Variants in DLG2 observed in about 807,000 individuals in gnomAD.
The protein encoded by DLG2 is disks large homolog 2.
A neutral mutation model predicts 132.5 loss-of-function variants in DLG2; 45 were observed. That is an observed-to-expected ratio of 0.34 (90% CI 0.27 to 0.44). The LOEUF (loss-of-function observed/expected upper bound fraction) is 0.44, where lower values mean the gene tolerates loss of function less well. Ranked by LOEUF, DLG2 falls within the 20% of genes least tolerant of loss-of-function variation. The pLI is 1.00. For synonymous variants in DLG2, 424 were observed against 419.6 expected, an observed-to-expected ratio of 1.01 and a Z score of -0.13; for missense variants, 1,045 against 1,196.9, an observed-to-expected ratio of 0.87 and a Z score of 1.87.
At chr11:84,990,076 G>A (rs1366109953) in intron 6 of DLG2, among the ~76,000 whole-genome samples, 1 of 152,162 alleles carries the variant, frequency 6.6e-6, no homozygotes, top group Non-Finnish European at 1.5e-5. Context: ...GAAAGCTACA[G>A]GACAAGAGTA....
At chr11:85,400,815 G>A (rs1156847867) in intron 3 of DLG2, among the ~76,000 whole-genome samples, 1 of 151,616 alleles carries the variant, frequency 6.6e-6, no homozygotes, top group Admixed American at 6.6e-5. Context: ...ATAGCATTAG[G>A]AGATATACCT....
chr11:83,881,040 A>AT (rs368315991), intron 15 of DLG2, among the ~76,000 whole-genome samples: 15,652 of 77,964 alleles, frequency 0.2, 972 homozygotes, highest in South Asian at 0.41. Flanking sequence ...GGTTTTTTCC[A>AT]TTTTTTTAAA....
At chr11:84,783,185 C>T (rs1168453438) in intron 6 of DLG2, among the ~76,000 whole-genome samples, 1 of 152,138 alleles carries the variant, frequency 6.6e-6, no homozygotes, top group Non-Finnish European at 1.5e-5. Context: ...TAAGAGGAAG[C>T]TTTCATAGGA....
At chr11:84,597,286 C>T (rs928967647) in intron 6 of DLG2, among the ~76,000 whole-genome samples, 7 of 151,944 alleles carry the variant, frequency 4.6e-5, no homozygotes, top group Non-Finnish European at 5.9e-5. Flanking sequence ...AGTCTAACTG[C>T]GAAGACAGCA....
intron 18 of DLG2, among the ~76,000 whole-genome samples, chr11:83,670,419 G>T (rs1226865805): frequency 1.3e-5 from 2 of 151,844 alleles, no homozygotes; most frequent in African/African-American, 4.8e-5. Flanking sequence ...TATATATGGA[G>T]TCTCAATACT....
At chr11:84,459,910 A>G (rs1358924132) in intron 7 of DLG2, among the ~76,000 whole-genome samples, 1 of 150,630 alleles carries the variant, frequency 6.6e-6, no homozygotes, top group Non-Finnish European at 1.5e-5. Context: ...ATGTTAAAGC[A>G]TAATAGGTAT....
chr11:83,756,424 C>T (rs1472248084), intron 18 of DLG2, among the ~76,000 whole-genome samples: 1 of 151,348 alleles, frequency 6.6e-6, no homozygotes, highest in African/African-American at 2.5e-5. Flanking sequence ...ATTTTCATAG[C>T]TTTTATGCTA....
chr11:84,566,150 A>T (rs1216509114), intron 6 of DLG2, among the ~76,000 whole-genome samples: 2 of 151,842 alleles, frequency 1.3e-5, no homozygotes, highest in South Asian at 4.2e-4. Flanking sequence ...TTTACTAGAG[A>T]TGGGGTTTCA....
intron 2 of DLG2, among the ~76,000 whole-genome samples, chr11:85,613,706 T>C (rs1194696306): frequency 1.3e-5 from 2 of 152,104 alleles, no homozygotes; most frequent in Non-Finnish European, 2.9e-5. Context: ...AATGGACCAA[T>C]CAGTAGGATG....
intron 6 of DLG2, among the ~76,000 whole-genome samples, chr11:84,560,816 T>C (rs1041400173): frequency 6.6e-6 from 1 of 152,160 alleles, no homozygotes; most frequent in East Asian, 1.9e-4. Flanking sequence ...CCCTTTGCCA[T>C]GAAGGAAAAC....
At chr11:85,237,042 G>A (rs2075623634) in intron 4 of DLG2, among the ~76,000 whole-genome samples, 1 of 152,034 alleles carries the variant, frequency 6.6e-6, no homozygotes, top group African/African-American at 2.4e-5. Flanking sequence ...AGCTTCATGA[G>A]ACCATAACAA....
chr11:85,046,906 A>G (rs1244264300), intron 6 of DLG2, among the ~76,000 whole-genome samples: 1 of 151,764 alleles, frequency 6.6e-6, no homozygotes, highest in African/African-American at 2.4e-5. Context: ...GGCATATTAG[A>G]TGCACTGAGA....
intron 6 of DLG2, among the ~76,000 whole-genome samples, chr11:85,097,758 CTT>C (rs1381800202): frequency 6.6e-6 from 1 of 152,178 alleles, no homozygotes; most frequent in East Asian, 1.9e-4. Context: ...ACTGAAGACA[CTT>C]TTAGTTTATT....
intron 9 of DLG2, among the ~76,000 whole-genome samples, chr11:84,147,600 A>G (rs1364711993): frequency 2.0e-5 from 3 of 152,178 alleles, no homozygotes; most frequent in Admixed American, 2.0e-4. Flanking sequence ...GCAGAGTGCT[A>G]TGTTATTCTA....
intron 18 of DLG2, among the ~76,000 whole-genome samples, chr11:83,771,313 A>T (rs1478970951): frequency 6.6e-6 from 1 of 152,212 alleles, no homozygotes; most frequent in Admixed American, 6.5e-5. Flanking sequence ...ATACTGGGAA[A>T]ATCTCCCACA....
chr11:85,091,810 T>A (rs1367024571), intron 6 of DLG2, among the ~76,000 whole-genome samples: 1 of 152,200 alleles, frequency 6.6e-6, no homozygotes, highest in Non-Finnish European at 1.5e-5. Context: ...CTCTTGCTAT[T>A]TCCATGTCTG....
intron 9 of DLG2, among the ~76,000 whole-genome samples, chr11:84,152,944 G>A (rs2095337667): frequency 1.3e-5 from 2 of 152,268 alleles, no homozygotes; most frequent in South Asian, 4.1e-4. Flanking sequence ...TATAGGGTCT[G>A]TGCTATGCAC....
At chr11:84,271,935 C>T (rs2097728037) in intron 7 of DLG2, among the ~76,000 whole-genome samples, 1 of 100,848 alleles carries the variant, frequency 9.9e-6, no homozygotes, top group Non-Finnish European at 1.8e-5. Flanking sequence ...AGGAATATCA[C>T]ACTTTGATAA....
At chr11:85,232,833 A>C (rs576471711) in intron 4 of DLG2, among the ~76,000 whole-genome samples, 45 of 152,090 alleles carry the variant, frequency 3.0e-4, no homozygotes, top group African/African-American at 1.1e-3. Context: ...AAAGACAGGA[A>C]GCCCTGTCAC....
Sources: gnomAD v4.1 joint callset for allele counts (sites outside exome capture counted in the v4.1 genomes callset) on GRCh38, gnomAD v4.1.1 for gene constraint, MANE v1.5 for transcripts, NCBI Gene and HGNC (gene_info 2026-07-23, HGNC 2026-07-21) for gene names.